PPIL6: variants seen among roughly 807,000 people sequenced by gnomAD.
PPIL6 encodes peptidylprolyl isomerase like 6.
PPIL6 carries 39 observed loss-of-function variants against 36.8 expected under a neutral mutation model. The observed-to-expected ratio is 1.06, with a 90% CI of 0.82 to 1.38. The LOEUF (loss-of-function observed/expected upper bound fraction) is 1.38, where lower values mean the gene tolerates loss of function less well. PPIL6 is among the 40% of genes most tolerant of loss of function. The pLI, the probability that PPIL6 is intolerant of heterozygous loss-of-function variation, is 0.00. For synonymous variants in PPIL6, 123 were observed against 134.1 expected (o/e 0.92, Z 0.57); for missense variants, 368 against 379.1 (o/e 0.97, Z 0.24).
chr6:109,440,249 C>A, intron 1 of PPIL6: 1 of 672,928 alleles, frequency 1.5e-6, no homozygotes, highest in Non-Finnish European at 2.7e-6. Flanking sequence ...CCAAGTGGAA[C>A]GCCCGCCCCC....
rs764689020 is a variant in PPIL6 at position 109,426,847 on chromosome 6, C to T, written c.631G>A (p.Asp211Asn). 7.3e-6 allele frequency: 11 copies of T among 1,500,888 alleles called. No individual in the cohort carries two copies. Among genetic ancestry groups the T allele is most frequent in the South Asian group, 2.8e-5 (2 of 72,028 alleles). 93.0% of individuals were successfully genotyped at this position (1,500,888 alleles called of 1,614,324 possible). A position where few individuals can be genotyped will look rare whatever the true frequency, so the allele number is the denominator to read the frequency against. ...IVQNGWIQGG[D>N]IVYGKGDNGE... ...CTCGTATTTAAGATTTTAAACTTACCCCCTCCTTGTATCCAGCCATTCTGT... is the reference window on the plus strand; with the variant it reads ...CTCGTATTTAAGATTTTAAACTTACTCCCTCCTTGTATCCAGCCATTCTGT... The change falls in exon 5 of 8, where the codon GAT becomes AAT. Residue 211 changes from aspartate (D) to asparagine (N), a missense_variant and splice_region_variant. Asp to Asn is a conservative substitution (Grantham distance 23). Coordinates refer to ENST00000521072, the MANE Select transcript of PPIL6 (RefSeq NM_173672.5).
chr6:109,392,966 A>T, intron 7 of PPIL6, 29 bp from the exon 8 acceptor site: 3 of 1,347,674 alleles, frequency 2.2e-6, no homozygotes, highest in Non-Finnish European at 3.1e-6. Context: ...TGGAAAATTT[A>T]GTCAGTCATA....
chr6:109,423,485 T>C (rs1278388567), intron 5 of PPIL6, among the ~76,000 whole-genome samples: 1 of 152,174 alleles, frequency 6.6e-6, no homozygotes, highest in Non-Finnish European at 1.5e-5. Flanking sequence ...TGAAATGTAT[T>C]TTTAATATAC....
Position 109,391,950 on chromosome 6 carries a change from G to A in PPIL6, c.*876C>T, listed in dbSNP as rs1372446763. The A allele has an allele frequency of 6.6e-6, 1 of 152,202 alleles. No homozygotes were observed. The highest frequency in any genetic ancestry group is 1.5e-5 in the Non-Finnish European group (1 of 68,038). The allele number at this position is 152,202 out of a possible 1,614,324, so 9.4% of individuals were successfully genotyped here. ...CAAGTTTCTCCTAGGAGTACATGTA[G>A]TTACAAACAAGAACATAATTCTATT... On this transcript the variant is annotated 3_prime_UTR_variant, in exon 8 of 8. Transcript: ENST00000521072.
intron 3 of PPIL6, 48 bp from the exon 4 acceptor site, chr6:109,427,204 G>A: frequency 1.4e-6 from 2 of 1,438,866 alleles, no homozygotes; most frequent in Non-Finnish European, 1.9e-6. Context: ...AGTCTTACAA[G>A]AAAGTTTTCA....
intron 6 of PPIL6, among the ~76,000 whole-genome samples, chr6:109,400,809 G>A (rs1222007450): frequency 6.6e-6 from 1 of 152,084 alleles, no homozygotes. Flanking sequence ...GTTTAAAAAT[G>A]TTGATGATGA....
chr6:109,426,875 T>C lies in PPIL6; in HGVS notation c.603A>G (p.Ile201Met). The C allele has an allele frequency of 1.9e-6, 3 of 1,599,874 alleles. No homozygotes were observed. The highest frequency in any genetic ancestry group is 2.2e-5 in the South Asian group (2 of 89,830). Residue 201 changes from isoleucine to methionine, a missense_variant, in exon 5 of 8, where the codon ATA becomes ATG. Physicochemically the swap from Ile to Met is conservative, Grantham distance 10. Transcript: ENST00000521072. ...CTCCTTGTATCCAGCCATTCTGTACTATTCGATGAAAAATGGAATTTTTGT... is the reference window on the plus strand; with the variant it reads ...CTCCTTGTATCCAGCCATTCTGTACCATTCGATGAAAAATGGAATTTTTGT... ...LHYKNSIFHR[I>M]VQNGWIQGGD...
Position 109,436,089 on chromosome 6 carries a change from C to G in PPIL6, c.231+15G>C. ...GCTTGTTGTCTATATCCCCCACACC[C>G]CAAATATCCTTTACCCTTTTTTTCT... On this transcript the variant is annotated intron_variant, in intron 2 of 7. Transcript: ENST00000521072. 3 of 1,408,250 alleles carry G rather than the reference C, an allele frequency of 2.1e-6. No homozygotes were observed. Among genetic ancestry groups the G allele is most frequent in the South Asian group, 2.3e-5 (2 of 85,530 alleles). 87.2% of individuals were successfully genotyped at this position (1,408,250 alleles called of 1,614,324 possible).
chr6:109,419,856 C>T (rs898664864), intron 5 of PPIL6, among the ~76,000 whole-genome samples: 1 of 152,202 alleles, frequency 6.6e-6, no homozygotes, highest in Non-Finnish European at 1.5e-5. Context: ...AGCACTTTTA[C>T]ATTCATGATA....
Position 109,426,959 on chromosome 6 carries a change from AT to A in PPIL6, c.518del (p.Asn173IlefsTer17), listed in dbSNP as rs1773850727. The A allele has an allele frequency of 6.2e-7, 1 of 1,607,044 alleles. No individual in the cohort carries two copies. On this transcript the variant is annotated frameshift_variant, in exon 5 of 8. Coordinates refer to ENST00000521072, the MANE Select transcript of PPIL6 (RefSeq NM_173672.5). LOFTEE classifies it high-confidence loss of function. ...CTTTTCCTGTGCACAAGACCTGAAA[AT>A]TTTTACATGTTTTGGGACACACATC... ...YCDVCPKTCK[N>X]FQVLCTGKAG...
At position 109,427,134 on chromosome 6, in the gene PPIL6, A is replaced by T; in HGVS notation, c.443T>A (p.Ile148Asn). 6.2e-7 allele frequency: 1 copy of T among 1,611,994 alleles called. No individual in the cohort carries two copies. Among genetic ancestry groups the T allele is most frequent in the Non-Finnish European group, 8.5e-7 (1 of 1,178,532 alleles). The change falls in exon 4 of 8, where the codon ATT becomes AAT. Residue 148 changes from isoleucine to asparagine, a missense_variant. Coordinates refer to ENST00000521072, the MANE Select transcript of PPIL6 (RefSeq NM_173672.5). ...DTKHDFVFLD[I>N]CIDSSPIGRL... ...TCCAATTGGAGAAGAATCAATACAA[A>T]TGTCCAAAAACACGAAATCATGCTG...
intron 6 of PPIL6, among the ~76,000 whole-genome samples, chr6:109,402,151 T>G (rs1475107093): frequency 6.6e-6 from 1 of 152,200 alleles, no homozygotes; most frequent in African/African-American, 2.4e-5. Flanking sequence ...AAAAATTCTG[T>G]GATTGTGGGA....
chr6:109,418,672 G>A, intron 6 of PPIL6, among the ~76,000 whole-genome samples: 1 of 151,296 alleles, frequency 6.6e-6, no homozygotes. Flanking sequence ...TCAGCCTCCT[G>A]AGGATCTGGG....
chr6:109,440,218 C>A, intron 1 of PPIL6: 1 of 607,032 alleles, frequency 1.6e-6, no homozygotes, highest in East Asian at 3.5e-5. Context: ...TTCCTTCGCT[C>A]AGTTCTCCCT....
At chr6:109,436,895 C>T (rs1774480093) in intron 1 of PPIL6, among the ~76,000 whole-genome samples, 2 of 152,122 alleles carry the variant, frequency 1.3e-5, no homozygotes, top group Non-Finnish European at 2.9e-5. Flanking sequence ...TAGTTTTTCC[C>T]TAAGTACAAC....
intron 5 of PPIL6, among the ~76,000 whole-genome samples, chr6:109,425,034 C>G (rs1773741359): frequency 6.6e-6 from 1 of 152,192 alleles, no homozygotes; most frequent in Non-Finnish European, 1.5e-5. Flanking sequence ...ATTCAAGAAC[C>G]CTCTCTTGGG....
At chr6:109,405,070 A>G in intron 6 of PPIL6, 1 of 401,724 alleles carries the variant, frequency 2.5e-6, no homozygotes, top group Non-Finnish European at 4.8e-6. Flanking sequence ...AAAAAAAAAA[A>G]GATATCTTTT....
At chr6:109,437,843 T>A (rs1461519845) in intron 1 of PPIL6, among the ~76,000 whole-genome samples, 1 of 152,208 alleles carries the variant, frequency 6.6e-6, no homozygotes, top group Non-Finnish European at 1.5e-5. Context: ...GTGCTGGGAT[T>A]ACAGGCGTGA....
chr6:109,429,229 C>T (rs60177626), intron 3 of PPIL6, among the ~76,000 whole-genome samples: 478 of 152,338 alleles, frequency 3.1e-3, no homozygotes, highest in African/African-American at 0.011. Context: ...ATGTCCAGCC[C>T]ATGCTGCTAT....
Sources: gnomAD v4.1 joint callset for allele counts (sites outside exome capture counted in the v4.1 genomes callset) on GRCh38, gnomAD v4.1.1 for gene constraint, MANE v1.5 for transcripts, NCBI Gene and HGNC (gene_info 2026-07-23, HGNC 2026-07-21) for gene names.